Variants in PCDH15 observed in about 807,000 individuals in gnomAD.
The protein encoded by PCDH15 is protocadherin-15.
Under a neutral mutation model 178.5 loss-of-function variants are expected in PCDH15, and 129 were observed. The ratio of observed to expected loss-of-function variants is 0.72; its 90% CI spans 0.63 to 0.84. The LOEUF (loss-of-function observed/expected upper bound fraction) is 0.84, where lower values mean the gene tolerates loss of function less well. Among genes scored for constraint, PCDH15 ranks in the 40% least tolerant of loss-of-function variants. The probability of loss-of-function intolerance (pLI) is 0.00; values close to 1 mark genes in which losing one functional copy is unlikely to be tolerated. For missense variants in PCDH15, 2,230 were observed against 2,099.9 expected (o/e 1.06, Z -1.21); for synonymous variants, 800 against 732.0 (o/e 1.09, Z -1.50).
chr10:54,426,251 T>C (rs1229332239), intron 3 of PCDH15, among the ~76,000 whole-genome samples: 2 of 152,160 alleles, frequency 1.3e-5, no homozygotes, highest in Non-Finnish European at 2.9e-5. Context: ...CCCAACCTCT[T>C]TGGTACCAGG....
At chr10:54,084,520 G>C (rs557172593) in intron 16 of PCDH15, among the ~76,000 whole-genome samples, 2 of 152,110 alleles carry the variant, frequency 1.3e-5, no homozygotes, top group South Asian at 2.1e-4. Context: ...TGTAGTCCCA[G>C]CTACTTGGGA....
intron 8 of PCDH15, among the ~76,000 whole-genome samples, chr10:54,297,762 G>A (rs186984230): frequency 5.9e-5 from 9 of 152,166 alleles, no homozygotes; most frequent in South Asian, 2.1e-4. Context: ...CAGACCTGGG[G>A]AACTTTTCAG....
chr10:55,148,602 A>T (rs1414324754), intron 2 of PCDH15, among the ~76,000 whole-genome samples: 3 of 151,812 alleles, frequency 2.0e-5, no homozygotes, highest in African/African-American at 7.2e-5. Flanking sequence ...AACCTTTCAG[A>T]TCTACAATTA....
At chr10:54,145,795 C>T (rs1172776588) in intron 14 of PCDH15, among the ~76,000 whole-genome samples, 1 of 152,070 alleles carries the variant, frequency 6.6e-6, no homozygotes, top group African/African-American at 2.4e-5. Flanking sequence ...TTGATATAAA[C>T]TTCATCTTGA....
chr10:54,771,119 C>A (rs1285150911), intron 1 of PCDH15, among the ~76,000 whole-genome samples: 1 of 152,066 alleles, frequency 6.6e-6, no homozygotes, highest in East Asian at 1.9e-4. Flanking sequence ...CAGATAGGTA[C>A]TTTGAATTCA....
At chr10:54,462,680 ATTTTTT>A (rs767750465) in intron 3 of PCDH15, among the ~76,000 whole-genome samples, 2 of 56,234 alleles carry the variant, frequency 3.6e-5, no homozygotes, top group Non-Finnish European at 6.2e-5. Flanking sequence ...CACCTGCTTA[ATTTTTT>A]TTTTTTTTTT....
intron 2 of PCDH15, among the ~76,000 whole-genome samples, chr10:54,645,214 G>T (rs1270829127): frequency 6.6e-6 from 1 of 152,018 alleles, no homozygotes; most frequent in Non-Finnish European, 1.5e-5. Context: ...TTTATACCTA[G>T]GAATGAAGCA....
At chr10:54,273,179 A>C (rs1160169775) in intron 8 of PCDH15, among the ~76,000 whole-genome samples, 4 of 152,110 alleles carry the variant, frequency 2.6e-5, no homozygotes, top group South Asian at 2.1e-4. Flanking sequence ...CATGTAATTT[A>C]TTGTTCAAAG....
At chr10:54,907,571 G>A (rs1954746697) in intron 2 of PCDH15, among the ~76,000 whole-genome samples, 1 of 152,012 alleles carries the variant, frequency 6.6e-6, no homozygotes, top group Admixed American at 6.6e-5. Flanking sequence ...CCTCATTATT[G>A]TTCTGGTTGT....
chr10:55,590,458 A>T (rs918933542), intron 2 of PCDH15, among the ~76,000 whole-genome samples: 2 of 152,246 alleles, frequency 1.3e-5, no homozygotes, highest in South Asian at 4.1e-4. Context: ...AACTTAAAGT[A>T]TAATAGTAAT....
At chr10:54,151,424 C>T (rs1192414606) in intron 14 of PCDH15, among the ~76,000 whole-genome samples, 1 of 151,910 alleles carries the variant, frequency 6.6e-6, no homozygotes, top group Admixed American at 6.6e-5. Flanking sequence ...ACCTGTAGTC[C>T]CCACTACTAG....
At chr10:54,914,585 T>C (rs934536907) in intron 2 of PCDH15, among the ~76,000 whole-genome samples, 2 of 152,210 alleles carry the variant, frequency 1.3e-5, no homozygotes, top group Admixed American at 6.5e-5. Context: ...TGCTGGAAAC[T>C]TTAATCTTGC....
intron 14 of PCDH15, among the ~76,000 whole-genome samples, chr10:54,146,098 T>C (rs1366172579): frequency 1.3e-5 from 2 of 151,852 alleles, no homozygotes; most frequent in African/African-American, 4.8e-5. Flanking sequence ...TGTGGGAACT[T>C]AGACAATTTT....
rs554189657 is a variant in PCDH15 at position 53,969,773 on chromosome 10, A to T, written c.2869-7881T>A. 2.1e-3 allele frequency among the ~76,000 whole-genome samples: 325 copies of T among 152,330 alleles called. 4 individuals are homozygous for T. The highest frequency in any genetic ancestry group is 3.1e-3 in the Non-Finnish European group (213 of 68,026). On this transcript the variant is annotated intron_variant, in intron 21 of 37. Transcript: ENST00000644397. ...CAGCCAAACTAAGCTTCATAAGTGAAGGAGAAATAAAATCCTTTACAGACA... is the reference window on the plus strand; with the variant it reads ...CAGCCAAACTAAGCTTCATAAGTGATGGAGAAATAAAATCCTTTACAGACA...
At chr10:53,856,912 C>G (rs1179568444) in intron 28 of PCDH15, among the ~76,000 whole-genome samples, 1 of 151,746 alleles carries the variant, frequency 6.6e-6, no homozygotes, top group African/African-American at 2.4e-5. Flanking sequence ...TACATGCAGA[C>G]ATAAAGAAAG....
At chr10:54,017,567 C>T (rs1368882052) in intron 20 of PCDH15, among the ~76,000 whole-genome samples, 1 of 152,026 alleles carries the variant, frequency 6.6e-6, no homozygotes, top group Non-Finnish European at 1.5e-5. Flanking sequence ...ATGTTCTCAC[C>T]TCTAAATGGT....
chr10:54,811,948 A>G (rs191648355), intron 3 of PCDH15, among the ~76,000 whole-genome samples: 4 of 152,232 alleles, frequency 2.6e-5, no homozygotes, highest in Non-Finnish European at 5.9e-5. Context: ...TTCATCTTAA[A>G]TCCTGTCTCT....
chr10:53,831,236 G>A, intron 30 of PCDH15, 79 bp downstream of exon 30: 10 of 1,301,108 alleles, frequency 7.7e-6, no homozygotes, highest in South Asian at 3.5e-5. Flanking sequence ...ATTTTACAAC[G>A]CAAAGCCATG....
At position 54,250,237 on chromosome 10, in the gene PCDH15, A is replaced by G. The variant is rs558734164; in HGVS notation, c.877-13306T>C. ...AAATGTAATCTCATTGCAAAACTCAATGATGCCATGCTTCTATAATATGCT... is the reference window on the plus strand; with the variant it reads ...AAATGTAATCTCATTGCAAAACTCAGTGATGCCATGCTTCTATAATATGCT... On this transcript the variant is annotated intron_variant, in intron 8 of 37. Coordinates refer to ENST00000644397, the MANE Select transcript of PCDH15 (RefSeq NM_001384140.1). 2.0e-5 allele frequency among the ~76,000 whole-genome samples: 3 copies of G among 149,364 alleles called. No homozygotes were observed. In the East Asian group the frequency reaches 5.9e-4, roughly 29 times the overall value.
Sources: allele counts gnomAD v4.1 joint callset (sites outside exome capture counted in the v4.1 genomes callset), GRCh38; gene constraint gnomAD v4.1.1; transcripts MANE v1.5; gene names NCBI Gene and HGNC (gene_info 2026-07-23, HGNC 2026-07-21).